Variants in CCDC12 observed in about 807,000 individuals in gnomAD.
The protein encoded by CCDC12 is coiled-coil domain-containing protein 12.
In CCDC12, 28 loss-of-function variants were observed where a neutral mutation model predicts 25.7. The observed-to-expected ratio is 1.09, with a 90% CI of 0.81 to 1.50. The LOEUF (loss-of-function observed/expected upper bound fraction) is 1.50, where lower values mean the gene tolerates loss of function less well. Ranked by LOEUF, CCDC12 falls within the 40% of genes most tolerant of loss-of-function variation. CCDC12 has a pLI of 0.00. For missense variants in CCDC12, 198 were observed against 210.0 expected, an observed-to-expected ratio of 0.94 and a Z score of 0.35; for synonymous variants, 75 against 87.7, an observed-to-expected ratio of 0.86 and a Z score of 0.81.
chr3:46,939,585 T>C (rs181306771), intron 2 of CCDC12, among the ~76,000 whole-genome samples: 7 of 152,278 alleles, frequency 4.6e-5, no homozygotes, highest in Admixed American at 3.3e-4. Flanking sequence ...CTGGCCTTCA[T>C]CTTCCCATCA....
intron 1 of CCDC12, among the ~76,000 whole-genome samples, chr3:46,957,391 G>A (rs147496466): frequency 1.3e-5 from 2 of 152,114 alleles, no homozygotes; most frequent in Non-Finnish European, 2.9e-5. Flanking sequence ...TACCTCTAAG[G>A]CTGGCTCTCT....
intron 1 of CCDC12, among the ~76,000 whole-genome samples, chr3:46,952,211 C>T (rs143247364): frequency 6.6e-6 from 1 of 152,108 alleles, no homozygotes; most frequent in Non-Finnish European, 1.5e-5. Flanking sequence ...GTAAAGGAAC[C>T]ACCTGGGGAG....
At chr3:46,952,864 A>G (rs2034170287) in intron 1 of CCDC12, among the ~76,000 whole-genome samples, 1 of 152,248 alleles carries the variant, frequency 6.6e-6, no homozygotes, top group African/African-American at 2.4e-5. Context: ...TAAGTAACCC[A>G]TCCAGAGTCA....
At chr3:46,979,707 G>A (rs2035165166), upstream of CCDC12, 3 of 308,550 alleles carry the variant, frequency 9.7e-6, no homozygotes, top group African/African-American at 6.6e-5. Context: ...GCTCTGCGCC[G>A]CGGAGGCCAC....
intron 1 of CCDC12, among the ~76,000 whole-genome samples, chr3:46,955,261 G>A (rs116333478): frequency 6.6e-6 from 1 of 152,284 alleles, no homozygotes; most frequent in African/African-American, 2.4e-5. Flanking sequence ...AAATCCATGT[G>A]CCTGCCTAGT....
At position 46,921,886 on chromosome 3, in the gene CCDC12, C is replaced by A; in HGVS notation, c.*171G>T. ...TGCCTCCATTCAGAATGGCAGGGGCCACCCAGCAGACAAGGAGCTGACCTC... is the reference window on the plus strand; with the variant it reads ...TGCCTCCATTCAGAATGGCAGGGGCAACCCAGCAGACAAGGAGCTGACCTC... On this transcript the variant is annotated 3_prime_UTR_variant, in exon 7 of 7. Transcript: ENST00000683445. 2 of 665,648 alleles carry A rather than the reference C, an allele frequency of 3.0e-6. No homozygotes were observed. Among genetic ancestry groups the A allele is most frequent in the Non-Finnish European group, 2.6e-6 (1 of 391,596 alleles). The allele number at this position is 665,648 out of a possible 1,614,324, so 41.2% of individuals were successfully genotyped here. A position where few individuals can be genotyped will look rare whatever the true frequency, so the allele number is the denominator to read the frequency against.
Position 46,935,220 on chromosome 3 carries a change from T to A in CCDC12, c.164+5778A>T, listed in dbSNP as rs1055242347. 3.9e-5 allele frequency among the ~76,000 whole-genome samples: 6 copies of A among 152,346 alleles called. No individual in the cohort carries two copies. The East Asian group carries it at 1.2e-3, about 29-fold the overall frequency. On this transcript the variant is annotated intron_variant, in intron 2 of 6. Transcript: ENST00000683445. ...AACTATCTCTGATGGTGACCGACTT[T>A]TCCAGCTGTGTGCAGACCTCCATAC...
chr3:46,954,112 C>A (rs1430337543), intron 1 of CCDC12, among the ~76,000 whole-genome samples: 1 of 15,374 alleles, frequency 6.5e-5, no homozygotes, highest in Non-Finnish European at 5.1e-3. Context: ...TCACAGTGGA[C>A]AGTCAGAGGA....
intron 1 of CCDC12, among the ~76,000 whole-genome samples, chr3:46,947,630 G>A (rs2033957791): frequency 6.6e-6 from 1 of 152,194 alleles, no homozygotes; most frequent in Admixed American, 6.5e-5. Context: ...CTCACTCTGG[G>A]TCCCCTGCAC....
intron 1 of CCDC12, among the ~76,000 whole-genome samples, chr3:46,941,552 G>A (rs888468735): frequency 2.3e-5 from 3 of 131,494 alleles, no homozygotes; most frequent in African/African-American, 8.5e-5. Flanking sequence ...GCGACAGAGC[G>A]AGACTCCATC....
chr3:46,965,126 C>T (rs2034601483), intron 1 of CCDC12, among the ~76,000 whole-genome samples: 1 of 152,126 alleles, frequency 6.6e-6, no homozygotes, highest in Non-Finnish European at 1.5e-5. Flanking sequence ...TTCACACCCT[C>T]CTGGCTCCAG....
chr3:46,937,499 C>T (rs1170287178), intron 2 of CCDC12, among the ~76,000 whole-genome samples: 1 of 152,154 alleles, frequency 6.6e-6, no homozygotes, highest in African/African-American at 2.4e-5. Context: ...TCCCAGCAGC[C>T]GAGGAAGAAG....
chr3:46,943,967 AT>A (rs1219146348), intron 1 of CCDC12, among the ~76,000 whole-genome samples: 5 of 152,278 alleles, frequency 3.3e-5, no homozygotes, highest in Admixed American at 1.3e-4. Flanking sequence ...AAATAGGACA[AT>A]GGGCATTCAC....
intron 1 of CCDC12, among the ~76,000 whole-genome samples, chr3:46,969,577 T>C (rs1324837424): frequency 6.6e-6 from 1 of 152,186 alleles, no homozygotes; most frequent in African/African-American, 2.4e-5. Context: ...TATACCACTC[T>C]GAATCACCAG....
At chr3:46,937,753 T>C (rs1575544327) in intron 2 of CCDC12, among the ~76,000 whole-genome samples, 1 of 152,296 alleles carries the variant, frequency 6.6e-6, no homozygotes, top group East Asian at 1.9e-4. Context: ...GGAAAGTCCA[T>C]CATCCCCAAT....
At chr3:46,976,283 A>T (rs1575569151) in intron 1 of CCDC12, 4 of 1,123,638 alleles carry the variant, frequency 3.6e-6, no homozygotes, top group East Asian at 6.2e-5. Flanking sequence ...CAGCTAGGCC[A>T]TAGAGGAACG....
upstream of CCDC12, among the ~76,000 whole-genome samples, chr3:46,980,450 C>A (rs1347754573): frequency 6.6e-6 from 1 of 152,102 alleles, no homozygotes; most frequent in Non-Finnish European, 1.5e-5. Flanking sequence ...TCCCCCCACA[C>A]CCCAGCGAAC....
chr3:46,974,892 A>G (rs1277685173), intron 1 of CCDC12, among the ~76,000 whole-genome samples: 2 of 152,200 alleles, frequency 1.3e-5, no homozygotes, highest in African/African-American at 2.4e-5. Flanking sequence ...CAATAACCCA[A>G]TGAGAATGAA....
intron 1 of CCDC12, among the ~76,000 whole-genome samples, chr3:46,975,172 C>A (rs1156533805): frequency 1.3e-5 from 2 of 151,950 alleles, no homozygotes; most frequent in Non-Finnish European, 2.9e-5. Flanking sequence ...AGAACTAAGG[C>A]CCTCTTCTTT....
Sources: gnomAD v4.1 joint callset for allele counts (sites outside exome capture counted in the v4.1 genomes callset) on GRCh38, gnomAD v4.1.1 for gene constraint, MANE v1.5 for transcripts, NCBI Gene and HGNC (gene_info 2026-07-23, HGNC 2026-07-21) for gene names.